The following CSMD1 variants were observed in gnomAD, a reference collection of about 807,000 sequenced individuals.
CSMD1 encodes CUB and Sushi multiple domains 1.
Under a neutral mutation model 417.5 loss-of-function variants are expected in CSMD1, and 213 were observed. That is an observed-to-expected ratio of 0.51 (90% CI 0.46 to 0.57). The LOEUF (loss-of-function observed/expected upper bound fraction) is 0.57, where lower values mean the gene tolerates loss of function less well. Among genes scored for constraint, CSMD1 ranks in the 20% least tolerant of loss-of-function variants. CSMD1 has a pLI of 0.00. For missense variants in CSMD1, 6,923 were observed against 4,529.7 expected, an observed-to-expected ratio of 1.53 and a Z score of -15.17; for synonymous variants, 2,862 against 1,736.8, an observed-to-expected ratio of 1.65 and a Z score of -16.11.
chr8:3,983,102 G>C (rs944466375), intron 5 of CSMD1, among the ~76,000 whole-genome samples: 1 of 150,504 alleles, frequency 6.6e-6, no homozygotes, highest in African/African-American at 2.4e-5. Flanking sequence ...AAACGCCTCA[G>C]ACATCGTTAT....
chr8:3,873,609 C>A (rs920076071), intron 5 of CSMD1, among the ~76,000 whole-genome samples: 1 of 152,040 alleles, frequency 6.6e-6, no homozygotes, highest in East Asian at 1.9e-4. Context: ...GGGTACTCGG[C>A]ATAATACCTG....
At chr8:3,195,452 C>T (rs758688517) in intron 33 of CSMD1, among the ~76,000 whole-genome samples, 4 of 152,226 alleles carry the variant, frequency 2.6e-5, no homozygotes, top group Non-Finnish European at 5.9e-5. Flanking sequence ...GGCATAGAAT[C>T]AATGGCCTCT....
chr8:4,517,369 G>T (rs1378845511), intron 2 of CSMD1, among the ~76,000 whole-genome samples: 1 of 152,156 alleles, frequency 6.6e-6, no homozygotes. Context: ...GCAGTCATAG[G>T]TTAAACAGCT....
intron 3 of CSMD1, among the ~76,000 whole-genome samples, chr8:4,089,439 C>G (rs1800599433): frequency 6.6e-6 from 1 of 152,110 alleles, no homozygotes; most frequent in Admixed American, 6.6e-5. Context: ...CATTATTTTT[C>G]ACTCATTTTT....
intron 49 of CSMD1, among the ~76,000 whole-genome samples, chr8:3,084,047 G>GGTCA (rs1563321247): frequency 6.6e-6 from 1 of 151,960 alleles, no homozygotes; most frequent in Non-Finnish European, 1.5e-5. Context: ...TTTCTCCTTG[G>GGTCA]GTCAGTACAC....
At chr8:3,669,797 T>A (rs920056574) in intron 7 of CSMD1, among the ~76,000 whole-genome samples, 1 of 152,114 alleles carries the variant, frequency 6.6e-6, no homozygotes, top group Non-Finnish European at 1.5e-5. Flanking sequence ...GGGATCCACG[T>A]GCAGCCCTAA....
At chr8:3,308,590 T>C (rs1805076244) in intron 23 of CSMD1, 87 bp from the exon 24 acceptor site, 2 of 1,097,836 alleles carry the variant, frequency 1.8e-6, no homozygotes, top group East Asian at 5.1e-5. Flanking sequence ...GGTTGCTAAA[T>C]GCTCCTTGAA....
intron 2 of CSMD1, among the ~76,000 whole-genome samples, chr8:4,553,400 A>G (rs888911736): frequency 2.0e-5 from 3 of 151,526 alleles, no homozygotes; most frequent in African/African-American, 2.4e-5. Flanking sequence ...TATTATTTTC[A>G]TTAATTACTC....
intron 3 of CSMD1, among the ~76,000 whole-genome samples, chr8:4,250,347 G>C (rs4404937): frequency 6.6e-6 from 1 of 152,030 alleles, no homozygotes; most frequent in African/African-American, 2.4e-5. Flanking sequence ...AAGACAGAAT[G>C]TGTGTCCCCT....
chr8:4,040,288 G>C (rs948996190), intron 3 of CSMD1, among the ~76,000 whole-genome samples: 1 of 152,162 alleles, frequency 6.6e-6, no homozygotes, highest in South Asian at 2.1e-4. Flanking sequence ...CACACACTAT[G>C]TGCTAGACAC....
intron 16 of CSMD1, 100 bp downstream of exon 16, chr8:3,399,290 CG>C: frequency 7.8e-6 from 9 of 1,148,184 alleles, no homozygotes; most frequent in Middle Eastern, 3.0e-4. Context: ...ATGCGGGAAC[CG>C]AAAAAAACTG....
At chr8:4,249,983 G>T (rs889361969) in intron 3 of CSMD1, among the ~76,000 whole-genome samples, 2 of 152,038 alleles carry the variant, frequency 1.3e-5, no homozygotes, top group Non-Finnish European at 2.9e-5. Context: ...AAGAGGAGCT[G>T]GGACCTACTG....
At chr8:4,666,605 C>T (rs1181483684) in intron 1 of CSMD1, among the ~76,000 whole-genome samples, 1 of 152,012 alleles carries the variant, frequency 6.6e-6, no homozygotes, top group Non-Finnish European at 1.5e-5. Flanking sequence ...TGTTTCAAAC[C>T]AATAATATTG....
intron 5 of CSMD1, among the ~76,000 whole-genome samples, chr8:3,830,478 C>T (rs1019098685): frequency 2.6e-5 from 4 of 152,232 alleles, no homozygotes; most frequent in African/African-American, 7.2e-5. Context: ...CTAAGCTCTG[C>T]ATTCTGTGCA....
In CSMD1 at chr8:2,965,941, C is replaced by A; in HGVS notation, c.9114G>T (p.Gly3038=). The change falls in exon 59 of 70, where the codon GGG becomes GGT. Residue 3038 remains glycine, a synonymous_variant. Coordinates refer to ENST00000635120, the MANE Select transcript of CSMD1 (RefSeq NM_033225.6). The part of the protein sequence containing the change: ...TAPDCTIISC[G]DPGTLANGIQ... The stretch of plus-strand genomic sequence containing the variant: ...TGCCATTTGCTAGTGTGCCTGGATC[C>A]CCACAACTTATAACTAATAAACAGG... The A allele has an allele frequency of 1.2e-6, 2 of 1,605,196 alleles. No homozygotes were observed. Among genetic ancestry groups the A allele is most frequent in the Non-Finnish European group, 1.7e-6 (2 of 1,175,692 alleles).
At chr8:3,020,316 G>C (rs766956674) in intron 51 of CSMD1, among the ~76,000 whole-genome samples, 3 of 152,204 alleles carry the variant, frequency 2.0e-5, no homozygotes, top group Admixed American at 2.0e-4. Flanking sequence ...AACCTTTAGA[G>C]ATAATTCAAG....
intron 23 of CSMD1, among the ~76,000 whole-genome samples, chr8:3,328,586 C>T (rs746167308): frequency 1.1e-4 from 17 of 152,150 alleles, no homozygotes; most frequent in East Asian, 1.9e-4. Context: ...CAATCCAAGT[C>T]GCTCCAATGT....
intron 36 of CSMD1, among the ~76,000 whole-genome samples, chr8:3,182,332 A>C (rs1454082919): frequency 6.6e-6 from 1 of 152,140 alleles, no homozygotes; most frequent in Non-Finnish European, 1.5e-5. Context: ...CTCCTGCCTC[A>C]GCTTCCCAAG....
At chr8:4,559,150 A>T (rs1798219431) in intron 2 of CSMD1, among the ~76,000 whole-genome samples, 1 of 152,184 alleles carries the variant, frequency 6.6e-6, no homozygotes, top group Admixed American at 6.5e-5. Context: ...CTTGGAATCA[A>T]GATCTGGTCT....
Sources: gnomAD v4.1 joint callset for allele counts (sites outside exome capture counted in the v4.1 genomes callset) on GRCh38, gnomAD v4.1.1 for gene constraint, MANE v1.5 for transcripts, NCBI Gene and HGNC (gene_info 2026-07-23, HGNC 2026-07-21) for gene names.